Variants in DNAJC6 observed in about 807,000 individuals in gnomAD.
DNAJC6 encodes auxilin.
Under a neutral mutation model 110.0 loss-of-function variants are expected in DNAJC6, and 34 were observed. That is an observed-to-expected ratio of 0.31 (90% CI 0.24 to 0.41). The LOEUF (loss-of-function observed/expected upper bound fraction) is 0.41. DNAJC6 is among the 10% of genes least tolerant of loss of function. The probability of loss-of-function intolerance (pLI) is 1.00; values close to 1 mark genes in which losing one functional copy is unlikely to be tolerated. For synonymous variants in DNAJC6, 406 were observed against 437.2 expected (o/e 0.93, Z 0.89); for missense variants, 1,031 against 1,207.8 (o/e 0.85, Z 2.17).
At position 65,372,147 on chromosome 1, in the gene DNAJC6, GT is replaced by G. The variant is rs879860450; in HGVS notation, c.543+5952del. On this transcript the variant is annotated intron_variant, in intron 4 of 18. Coordinates refer to ENST00000371069, the MANE Select transcript of DNAJC6 (RefSeq NM_001256864.2). ...CTCATTACAGATATTGACATTTGGG[GT>G]GTGTGTGTGTGTGTGTGTGTGTGTG... Among the ~76,000 whole-genome samples the G allele has an allele frequency of 0.012, 357 of 29,114 alleles. 1 individual carries two copies. In the African/African-American group the frequency reaches 0.16, roughly 13 times the overall value. 19.1% of individuals were successfully genotyped at this position (29,114 alleles called of 152,430 possible).
At chr1:65,349,300 G>A (rs192545955) in intron 1 of DNAJC6, among the ~76,000 whole-genome samples, 10 of 151,664 alleles carry the variant, frequency 6.6e-5, no homozygotes, top group Admixed American at 4.6e-4. Context: ...TTTCATCTGT[G>A]TAATAACACC....
intron 1 of DNAJC6, among the ~76,000 whole-genome samples, chr1:65,345,154 G>C (rs1016330075): frequency 6.6e-6 from 1 of 152,054 alleles, no homozygotes; most frequent in African/African-American, 2.4e-5. Context: ...CAGCAAGTAA[G>C]TGGCCTTTCC....
chr1:65,307,018 C>CTATATATATA (rs71056097), upstream of DNAJC6, among the ~76,000 whole-genome samples: 23 of 70,692 alleles, frequency 3.3e-4, no homozygotes, highest in African/African-American at 8.9e-4. Flanking sequence ...CTCTCTCTCT[C>CTATATATATA]TATATATATA....
chr1:65,365,509 A>G (rs923282288), intron 2 of DNAJC6, among the ~76,000 whole-genome samples: 14 of 152,112 alleles, frequency 9.2e-5, no homozygotes, highest in Non-Finnish European at 7.4e-5. Context: ...GGTGTCATTT[A>G]TTTTTTCTCA....
intron 1 of DNAJC6, among the ~76,000 whole-genome samples, chr1:65,269,646 TG>T (rs1210799648): frequency 6.6e-6 from 1 of 152,194 alleles, no homozygotes; most frequent in African/African-American, 2.4e-5. Context: ...TGCATGTGAC[TG>T]GGTGAGTTGG....
chr1:65,284,245 T>C (rs1044447049), intron 1 of DNAJC6, among the ~76,000 whole-genome samples: 1 of 152,160 alleles, frequency 6.6e-6, no homozygotes, highest in Non-Finnish European at 1.5e-5. Context: ...AGAGAGGACC[T>C]TACCACCTCT....
At chr1:65,326,591 C>T (rs1212069271) in intron 1 of DNAJC6, among the ~76,000 whole-genome samples, 2 of 152,084 alleles carry the variant, frequency 1.3e-5, no homozygotes, top group Non-Finnish European at 2.9e-5. Context: ...TTCCTGGGGC[C>T]CAGGGGCAGT....
intron 1 of DNAJC6, among the ~76,000 whole-genome samples, chr1:65,362,902 T>C (rs1035034711): frequency 6.6e-6 from 1 of 152,236 alleles, no homozygotes; most frequent in South Asian, 2.1e-4. Context: ...TGTTTCTTAC[T>C]GTATTAGTCT....
At chr1:65,306,923 A>G (rs1287176220), upstream of DNAJC6, among the ~76,000 whole-genome samples, 1 of 151,500 alleles carries the variant, frequency 6.6e-6, no homozygotes, top group African/African-American at 2.4e-5. Context: ...ACAGACCAAT[A>G]ATGGTAATAG....
chr1:65,266,687 C>G (rs1015494103), intron 1 of DNAJC6, among the ~76,000 whole-genome samples: 2 of 151,308 alleles, frequency 1.3e-5, no homozygotes, highest in African/African-American at 4.9e-5. Flanking sequence ...GAAAGGGTTT[C>G]TGGAGAGAAA....
intron 1 of DNAJC6, among the ~76,000 whole-genome samples, chr1:65,346,689 T>C (rs1645440119): frequency 6.6e-6 from 1 of 152,168 alleles, no homozygotes; most frequent in African/African-American, 2.4e-5. Flanking sequence ...AAGCCTAGCA[T>C]GTTCCCTAGT....
At chr1:65,379,304 T>G in intron 4 of DNAJC6, 98 bp from the exon 5 acceptor site, 1 of 1,439,464 alleles carries the variant, frequency 6.9e-7, no homozygotes, top group Non-Finnish European at 9.5e-7. Context: ...TAAGAGAGGA[T>G]GTGGTATCAC....
intron 1 of DNAJC6, among the ~76,000 whole-genome samples, chr1:65,353,767 CT>C (rs1182037329): frequency 7.2e-5 from 11 of 152,020 alleles, no homozygotes; most frequent in African/African-American, 2.7e-4. Flanking sequence ...AAATATTAGC[CT>C]TCTTTACAAT....
intron 17 of DNAJC6, among the ~76,000 whole-genome samples, chr1:65,409,274 T>C (rs1195430332): frequency 1.3e-5 from 2 of 152,222 alleles, no homozygotes; most frequent in Non-Finnish European, 2.9e-5. Flanking sequence ...ATAGTAGATT[T>C]CTGGTGGCCA....
chr1:65,402,371 A>G (rs1181412498), intron 15 of DNAJC6, among the ~76,000 whole-genome samples: 1 of 152,238 alleles, frequency 6.6e-6, no homozygotes. Flanking sequence ...AGACTCAAGT[A>G]TCGTATTTCC....
Position 65,398,891 on chromosome 1 carries a change from G to A in DNAJC6, c.2107+10G>A. ...TGGCATGCTAAACCAGGTAAAAGCA[G>A]GTTATTTTCTGTACACATTTATATA... On this transcript the variant is annotated intron_variant, in intron 14 of 18. Transcript: ENST00000371069. The A allele has an allele frequency of 6.2e-7, 1 of 1,613,766 alleles. No individual in the cohort carries two copies. Among genetic ancestry groups the A allele is most frequent in the Non-Finnish European group, 8.5e-7 (1 of 1,179,818 alleles).
At chr1:65,349,031 T>C (rs1350523873) in intron 1 of DNAJC6, among the ~76,000 whole-genome samples, 1 of 145,552 alleles carries the variant, frequency 6.9e-6, no homozygotes, top group Admixed American at 7.0e-5. Context: ...TACATATAAA[T>C]ATATGTAAAT....
At chr1:65,411,154 T>A in intron 17 of DNAJC6, 96 bp from the exon 18 acceptor site, 1 of 1,300,422 alleles carries the variant, frequency 7.7e-7, no homozygotes, top group South Asian at 1.6e-5. Flanking sequence ...AGTGTTTTGA[T>A]GTTGCTGGAG....
chr1:65,269,534 G>C (rs1653438670), intron 1 of DNAJC6, among the ~76,000 whole-genome samples: 1 of 152,112 alleles, frequency 6.6e-6, no homozygotes. Context: ...TTCAAAATAA[G>C]TGTAAAAAAA....
Sources: allele counts gnomAD v4.1 joint callset (sites outside exome capture counted in the v4.1 genomes callset), GRCh38; gene constraint gnomAD v4.1.1; transcripts MANE v1.5; gene names NCBI Gene and HGNC (gene_info 2026-07-23, HGNC 2026-07-21).